Variants in AK5 observed in about 807,000 individuals in gnomAD.
The protein encoded by AK5 is adenylate kinase isoenzyme 5.
Under a neutral mutation model 69.5 loss-of-function variants are expected in AK5, and 27 were observed. That is an observed-to-expected ratio of 0.39 (90% CI 0.29 to 0.54). AK5 has a LOEUF of 0.54. AK5 is among the 20% of genes least tolerant of loss of function. The pLI, the probability that AK5 is intolerant of heterozygous loss-of-function variation, is 0.71. For synonymous variants in AK5, 260 were observed against 244.4 expected (o/e 1.06, Z -0.60); for missense variants, 531 against 700.4 (o/e 0.76, Z 2.73).
chr1:77,346,424 GTTAA>G (rs1171161799), intron 6 of AK5, among the ~76,000 whole-genome samples: 1 of 152,184 alleles, frequency 6.6e-6, no homozygotes, highest in Non-Finnish European at 1.5e-5. Flanking sequence ...ACAGCCATTG[GTTAA>G]TTATCACCAA....
intron 6 of AK5, among the ~76,000 whole-genome samples, chr1:77,382,565 A>T (rs1647720904): frequency 6.6e-6 from 1 of 152,162 alleles, no homozygotes; most frequent in African/African-American, 2.4e-5. Flanking sequence ...GCCCAAGCTG[A>T]TCTCAAACTC....
At chr1:77,301,835 T>C (rs924718449) in intron 5 of AK5, among the ~76,000 whole-genome samples, 3 of 152,210 alleles carry the variant, frequency 2.0e-5, no homozygotes, top group Non-Finnish European at 4.4e-5. Context: ...CAGTGAATCC[T>C]GTTAGGCAGG....
At chr1:77,454,242 C>T (rs890643031) in intron 8 of AK5, among the ~76,000 whole-genome samples, 3 of 152,176 alleles carry the variant, frequency 2.0e-5, no homozygotes, top group African/African-American at 4.8e-5. Flanking sequence ...CTACCAACCC[C>T]TCTTTACTCT....
At chr1:77,548,233 C>A (rs1285678726) in intron 13 of AK5, among the ~76,000 whole-genome samples, 1 of 152,192 alleles carries the variant, frequency 6.6e-6, no homozygotes, top group East Asian at 1.9e-4. Flanking sequence ...GTCCTTAAAT[C>A]TCTCTACAGT....
rs756205351 is a variant in AK5, at chr1:77,475,195, ATGTGTG to A, written c.1060-8108_1060-8103del. Among the ~76,000 whole-genome samples the A allele has an allele frequency of 6.2e-4, 18 of 29,158 alleles. No homozygotes were observed. In the South Asian group the frequency reaches 8.2e-3, roughly 13 times the overall value. 19.1% of individuals were successfully genotyped at this position (29,158 alleles called of 152,430 possible). A position where few individuals can be genotyped will look rare whatever the true frequency, so the allele number is the denominator to read the frequency against. On this transcript the variant is annotated intron_variant, in intron 8 of 13. Transcript: ENST00000354567. ...TATATATATATATATATATATATAT[ATGTGTG>A]TGTGTGTGTGTGTATTCTATATACT...
chr1:77,507,587 C>T (rs1400920178), intron 10 of AK5, among the ~76,000 whole-genome samples: 1 of 152,180 alleles, frequency 6.6e-6, no homozygotes, highest in East Asian at 1.9e-4. Context: ...CAGCTTTATG[C>T]TGAGAAAACC....
At chr1:77,303,711 G>A (rs900457352) in intron 5 of AK5, among the ~76,000 whole-genome samples, 3 of 152,196 alleles carry the variant, frequency 2.0e-5, no homozygotes, top group Non-Finnish European at 4.4e-5. Flanking sequence ...ATCCTCAGAG[G>A]TTTAAGAGCA....
chr1:77,292,279 A>T (rs1403022556), intron 2 of AK5, among the ~76,000 whole-genome samples: 1 of 152,206 alleles, frequency 6.6e-6, no homozygotes, highest in Non-Finnish European at 1.5e-5. Context: ...GCTTTTCCTG[A>T]TGTAGCCCTT....
intron 8 of AK5, among the ~76,000 whole-genome samples, chr1:77,444,438 TAC>T: frequency 2.0e-5 from 1 of 49,802 alleles, no homozygotes; most frequent in Admixed American, 3.3e-4. Flanking sequence ...TATAAATATA[TAC>T]TATATATAGT....
intron 5 of AK5, among the ~76,000 whole-genome samples, chr1:77,302,007 G>A (rs1191127054): frequency 1.3e-5 from 2 of 151,158 alleles, no homozygotes; most frequent in African/African-American, 4.9e-5. Context: ...AGGGTGGAGT[G>A]CAGGGGCACC....
intron 10 of AK5, among the ~76,000 whole-genome samples, chr1:77,503,490 G>A (rs1656845441): frequency 6.6e-6 from 1 of 152,192 alleles, no homozygotes; most frequent in African/African-American, 2.4e-5. Flanking sequence ...GGTTTTCTTA[G>A]AGCATGGATC....
intron 10 of AK5, among the ~76,000 whole-genome samples, chr1:77,495,406 T>C (rs1374225583): frequency 6.6e-6 from 1 of 152,206 alleles, no homozygotes; most frequent in African/African-American, 2.4e-5. Flanking sequence ...TATCTAGCCA[T>C]TGGTGTCTGA....
intron 1 of AK5, 106 bp downstream of exon 1, chr1:77,282,479 A>T (rs1658116134): frequency 7.0e-7 from 1 of 1,431,406 alleles, no homozygotes; most frequent in Non-Finnish European, 9.2e-7. Flanking sequence ...CGGGGCATGT[A>T]ATGAAGGGGC....
At chr1:77,405,987 G>A (rs1649602541) in intron 6 of AK5, among the ~76,000 whole-genome samples, 1 of 152,106 alleles carries the variant, frequency 6.6e-6, no homozygotes, top group Admixed American at 6.5e-5. Context: ...AGGGAACCCT[G>A]GCTAAAACAT....
In AK5 at chr1:77,368,245, A is replaced by ATATGTTATATATAT. The variant is rs1553140333; in HGVS notation, c.891+27680_891+27681insGTTATATATATTAT. ...TATATATATATATATATATATATAT[A>ATATGTTATATATAT]TATATATAATATATATGTTATATAT... is the stretch of plus-strand genomic sequence containing the variant. On this transcript the variant is annotated intron_variant, in intron 6 of 13. Transcript: ENST00000354567. Among the ~76,000 whole-genome samples, 89 of 67,898 alleles carry ATATGTTATATATAT rather than the reference A, an allele frequency of 1.3e-3. 8 individuals are homozygous for ATATGTTATATATAT. The highest frequency in any genetic ancestry group is 3.9e-3 in the South Asian group (7 of 1,802). The allele number at this position is 67,898 out of a possible 152,430, so 44.5% of individuals were successfully genotyped here.
intron 8 of AK5, among the ~76,000 whole-genome samples, chr1:77,456,071 A>C (rs1169296815): frequency 1.3e-5 from 2 of 152,216 alleles, no homozygotes; most frequent in Non-Finnish European, 2.9e-5. Context: ...AGGATTGTGC[A>C]GTTTCCATGC....
At chr1:77,365,374 G>C (rs181713711) in intron 6 of AK5, among the ~76,000 whole-genome samples, 25 of 152,266 alleles carry the variant, frequency 1.6e-4, no homozygotes, top group Non-Finnish European at 2.1e-4. Flanking sequence ...GCAGTGGCAC[G>C]ATCCTAGCTC....
intron 10 of AK5, among the ~76,000 whole-genome samples, chr1:77,504,912 T>G (rs934437406): frequency 3.3e-5 from 5 of 152,262 alleles, no homozygotes; most frequent in Non-Finnish European, 5.9e-5. Flanking sequence ...CCTATGATTG[T>G]GTTGTCATAA....
chr1:77,430,268 C>T (rs534473191), intron 8 of AK5, among the ~76,000 whole-genome samples: 2 of 152,092 alleles, frequency 1.3e-5, no homozygotes, highest in South Asian at 2.1e-4. Context: ...GAACTTGTGA[C>T]GAAAGTCAAC....
Sources: gnomAD v4.1 joint callset for allele counts (sites outside exome capture counted in the v4.1 genomes callset) on GRCh38, gnomAD v4.1.1 for gene constraint, MANE v1.5 for transcripts, NCBI Gene and HGNC (gene_info 2026-07-23, HGNC 2026-07-21) for gene names.